The following GULP1 variants were observed in gnomAD, a reference collection of about 807,000 sequenced individuals.
GULP1 encodes GULP PTB domain containing engulfment adaptor 1.
Under a neutral mutation model 40.9 loss-of-function variants are expected in GULP1, and 19 were observed. The ratio of observed to expected loss-of-function variants is 0.46; its 90% CI spans 0.32 to 0.68. The LOEUF (loss-of-function observed/expected upper bound fraction) is 0.68, where lower values mean the gene tolerates loss of function less well. GULP1 is among the 30% of genes least tolerant of loss of function. The pLI, the probability that GULP1 is intolerant of heterozygous loss-of-function variation, is 0.03. For missense variants in GULP1, 312 were observed against 362.2 expected (o/e 0.86, Z 1.12); for synonymous variants, 119 against 117.6 (o/e 1.01, Z -0.08).
intron 1 of GULP1, among the ~76,000 whole-genome samples, chr2:188,352,616 TCTCA>T (rs1333231375): frequency 6.6e-5 from 5 of 75,948 alleles, no homozygotes; most frequent in Admixed American, 1.8e-4. Context: ...TCTCTCTCTC[TCTCA>T]CACACACACA....
At chr2:188,524,664 G>T (rs1685701520) in intron 5 of GULP1, among the ~76,000 whole-genome samples, 1 of 149,352 alleles carries the variant, frequency 6.7e-6, no homozygotes, top group Non-Finnish European at 1.5e-5. Context: ...AGTATACTAA[G>T]AATATTTTTT....
chr2:188,369,730 G>A (rs7592433), intron 1 of GULP1, among the ~76,000 whole-genome samples: 10,235 of 152,166 alleles, frequency 0.067, 1,160 homozygotes, highest in African/African-American at 0.23. Flanking sequence ...CATCTGTAAA[G>A]TATCTTATTC....
intron 4 of GULP1, among the ~76,000 whole-genome samples, chr2:188,518,255 T>A (rs1334396066): frequency 1.3e-5 from 2 of 151,760 alleles, no homozygotes; most frequent in African/African-American, 4.8e-5. Context: ...AATCAGTAAA[T>A]GAGTAGAAAA....
intron 2 of GULP1, among the ~76,000 whole-genome samples, chr2:188,424,317 T>A (rs940187127): frequency 2.0e-5 from 3 of 151,854 alleles, no homozygotes; most frequent in African/African-American, 7.2e-5. Flanking sequence ...TGCTTTTAAT[T>A]TGTATTATAA....
At chr2:188,450,973 C>T (rs932135847) in intron 2 of GULP1, among the ~76,000 whole-genome samples, 3 of 152,170 alleles carry the variant, frequency 2.0e-5, no homozygotes, top group Admixed American at 6.5e-5. Context: ...TTTGCCTTCA[C>T]CTTCACCTTT....
At chr2:188,519,218 G>A (rs1017853714) in intron 4 of GULP1, among the ~76,000 whole-genome samples, 1 of 152,042 alleles carries the variant, frequency 6.6e-6, no homozygotes, top group African/African-American at 2.4e-5. Context: ...TCCCAGTGTT[G>A]CATTACACAA....
intron 1 of GULP1, chr2:188,294,262 A>G (rs547999529): frequency 6.6e-6 from 1 of 152,210 alleles, no homozygotes; most frequent in East Asian, 1.9e-4. Flanking sequence ...GAATAATTCA[A>G]TTACGTATTC....
intron 1 of GULP1, among the ~76,000 whole-genome samples, chr2:188,347,529 A>G (rs959975514): frequency 2.0e-5 from 3 of 152,024 alleles, no homozygotes; most frequent in Non-Finnish European, 4.4e-5. Context: ...TGACTTAACT[A>G]TATATTAAGT....
At chr2:188,309,686 T>A (rs2037742783) in intron 1 of GULP1, among the ~76,000 whole-genome samples, 2 of 152,164 alleles carry the variant, frequency 1.3e-5, no homozygotes, top group Admixed American at 1.3e-4. Flanking sequence ...AGAAAAAAAA[T>A]TTTAAGTCCA....
chr2:188,425,263 T>C (rs2056026156), intron 2 of GULP1, among the ~76,000 whole-genome samples: 2 of 152,152 alleles, frequency 1.3e-5, no homozygotes, highest in South Asian at 4.1e-4. Flanking sequence ...TAGCATTGTT[T>C]AATGATGAGT....
rs2061416603 is a variant in GULP1 at position 188,481,148 on chromosome 2, A to G, written c.29-2283A>G. On this transcript the variant is annotated intron_variant, in intron 3 of 11. Transcript: ENST00000409830. ...GGCATTTTCCTTCATGTAAGTCTTC[A>G]ATTTTGAGTTAGTGATTTTACTTTA... Among the ~76,000 whole-genome samples the G allele has an allele frequency of 2.6e-5, 4 of 151,870 alleles. No homozygotes were observed. In the South Asian group the frequency reaches 8.3e-4, roughly 32 times the overall value.
At chr2:188,466,296 C>CCCCG in intron 2 of GULP1, among the ~76,000 whole-genome samples, 1 of 151,338 alleles carries the variant, frequency 6.6e-6, no homozygotes, top group African/African-American at 2.4e-5. Flanking sequence ...TTTTTTTCCC[C>CCCCG]CCCCGGAGTC....
chr2:188,445,284 G>A (rs988354005), intron 2 of GULP1, among the ~76,000 whole-genome samples: 1 of 151,536 alleles, frequency 6.6e-6, no homozygotes, highest in Non-Finnish European at 1.5e-5. Flanking sequence ...AACAAATGAG[G>A]AATTGTTTAA....
chr2:188,322,583 CA>C (rs2040150192), intron 1 of GULP1, among the ~76,000 whole-genome samples: 1 of 152,098 alleles, frequency 6.6e-6, no homozygotes, highest in Non-Finnish European at 1.5e-5. Context: ...CGCTATTTCT[CA>C]GTTTCTCACA....
chr2:188,548,910 T>C (rs1190759274), intron 7 of GULP1, among the ~76,000 whole-genome samples: 2 of 151,782 alleles, frequency 1.3e-5, no homozygotes, highest in African/African-American at 4.8e-5. Context: ...CATAGGCAAA[T>C]AAAATGCACC....
intron 2 of GULP1, among the ~76,000 whole-genome samples, chr2:188,417,174 T>G (rs1471214090): frequency 1.3e-5 from 2 of 152,204 alleles, no homozygotes; most frequent in African/African-American, 2.4e-5. Context: ...TCTCATTTAT[T>G]ATGACAGGAA....
intron 2 of GULP1, among the ~76,000 whole-genome samples, chr2:188,434,835 G>C (rs1193596817): frequency 6.6e-6 from 1 of 151,404 alleles, no homozygotes; most frequent in Non-Finnish European, 1.5e-5. Context: ...AATCTGATTT[G>C]TTGACAATTT....
chr2:188,439,025 T>C (rs1198483953), intron 2 of GULP1, among the ~76,000 whole-genome samples: 1 of 152,150 alleles, frequency 6.6e-6, no homozygotes, highest in Non-Finnish European at 1.5e-5. Flanking sequence ...AGGAATATTA[T>C]TAATTTATCA....
At chr2:188,488,768 G>A (rs755318610) in intron 4 of GULP1, among the ~76,000 whole-genome samples, 4 of 151,986 alleles carry the variant, frequency 2.6e-5, no homozygotes, top group Non-Finnish European at 4.4e-5. Flanking sequence ...TAATACTGTT[G>A]TGATTATACT....
Sources: gnomAD v4.1 joint callset for allele counts (sites outside exome capture counted in the v4.1 genomes callset) on GRCh38, gnomAD v4.1.1 for gene constraint, MANE v1.5 for transcripts, NCBI Gene and HGNC (gene_info 2026-07-23, HGNC 2026-07-21) for gene names.